Variants in KLHL1 observed in about 807,000 individuals in gnomAD.
KLHL1 encodes kelch like family member 1, also known as kelch-like protein 1.
KLHL1 carries 47 observed loss-of-function variants against 77.7 expected under a neutral mutation model. The ratio of observed to expected loss-of-function variants is 0.60; its 90% CI spans 0.48 to 0.77. The LOEUF is 0.77. Among genes scored for constraint, KLHL1 ranks in the 30% least tolerant of loss-of-function variants. The pLI is 0.00. For missense variants in KLHL1, 925 were observed against 910.8 expected (o/e 1.02, Z -0.20); for synonymous variants, 360 against 325.2 (o/e 1.11, Z -1.15).
At chr13:69,780,268 A>T (rs538960585) in intron 7 of KLHL1, among the ~76,000 whole-genome samples, 1 of 151,996 alleles carries the variant, frequency 6.6e-6, no homozygotes, top group Non-Finnish European at 1.5e-5. Flanking sequence ...TGTTGTTTTC[A>T]CTGTGGCATT....
chr13:69,795,691 G>A (rs1249877205), intron 7 of KLHL1, among the ~76,000 whole-genome samples: 1 of 151,968 alleles, frequency 6.6e-6, no homozygotes, highest in Non-Finnish European at 1.5e-5. Context: ...CAAAACCAAG[G>A]CTCAGTTTAA....
rs893428968 is a variant in KLHL1 at position 69,838,932 on chromosome 13, G to T, written c.1414+44C>A. The T allele has an allele frequency of 5.2e-6, 7 of 1,356,078 alleles. No homozygotes were observed. In the African/African-American group the frequency reaches 7.3e-5, roughly 14 times the overall value. 84.0% of individuals were successfully genotyped at this position (1,356,078 alleles called of 1,614,324 possible). ...ATTACAATATAAAAGCTGCAACACG[G>T]TATAACACAGGATGTATAGTTATAT... is the stretch of plus-strand genomic sequence containing the variant. On this transcript the variant is annotated intron_variant, in intron 6 of 10. Coordinates refer to ENST00000377844, the MANE Select transcript of KLHL1 (RefSeq NM_020866.3).
intron 4 of KLHL1, among the ~76,000 whole-genome samples, chr13:69,905,182 C>T (rs55811703): frequency 0.012 from 1,796 of 152,162 alleles, 13 homozygotes; most frequent in Non-Finnish European, 0.02. Context: ...TTTGCCTAGT[C>T]CAACAGAATG....
chr13:69,902,946 C>T (rs535600068), intron 4 of KLHL1, among the ~76,000 whole-genome samples: 1 of 152,182 alleles, frequency 6.6e-6, no homozygotes, highest in East Asian at 1.9e-4. Flanking sequence ...ATAGCTTTTC[C>T]ATTATATATA....
intron 1 of KLHL1, among the ~76,000 whole-genome samples, chr13:70,015,266 C>T (rs758890298): frequency 1.3e-5 from 2 of 152,096 alleles, no homozygotes; most frequent in African/African-American, 2.4e-5. Flanking sequence ...TAACCTACTC[C>T]TCCTAGGGTA....
intron 5 of KLHL1, among the ~76,000 whole-genome samples, chr13:69,876,826 T>A (rs1447283338): frequency 6.6e-6 from 1 of 152,072 alleles, no homozygotes; most frequent in Non-Finnish European, 1.5e-5. Flanking sequence ...TCACCTGAGA[T>A]CAGGAGTTCA....
At chr13:70,057,662 G>C (rs935186833) in intron 1 of KLHL1, among the ~76,000 whole-genome samples, 5 of 149,568 alleles carry the variant, frequency 3.3e-5, no homozygotes, top group Non-Finnish European at 7.4e-5. Context: ...TGTAGTCCCA[G>C]CTACTCGGGA....
intron 1 of KLHL1, among the ~76,000 whole-genome samples, chr13:70,044,473 TTAAA>T (rs1487390195): frequency 1.3e-5 from 2 of 152,176 alleles, no homozygotes; most frequent in African/African-American, 4.8e-5. Context: ...ATTATTTAAG[TTAAA>T]TAAACAAGTT....
At chr13:69,926,863 C>T (rs981835957) in intron 4 of KLHL1, among the ~76,000 whole-genome samples, 1 of 140,206 alleles carries the variant, frequency 7.1e-6, no homozygotes, top group Admixed American at 7.8e-5. Context: ...AGGAGAATGG[C>T]GTGAACCTGG....
intron 7 of KLHL1, among the ~76,000 whole-genome samples, chr13:69,793,376 T>G (rs1876956261): frequency 1.3e-5 from 2 of 152,076 alleles, no homozygotes; most frequent in African/African-American, 4.8e-5. Flanking sequence ...TTTAAATGAA[T>G]ATAATTTTTA....
rs1394990772 is a variant in KLHL1 at position 69,782,057 on chromosome 13, T to A, written c.1639+14681A>T. Among the ~76,000 whole-genome samples, 17 of 152,230 alleles carry A rather than the reference T, an allele frequency of 1.1e-4. 1 individual carries two copies. Among genetic ancestry groups the A allele is most frequent in the Non-Finnish European group, 1.5e-5 (1 of 68,046 alleles). ...CTCTCTTTTGATAACTTCTTGTTTTTAAGGGTGAATATCTTATGGCATCTA... is the reference window on the plus strand; with the variant it reads ...CTCTCTTTTGATAACTTCTTGTTTTAAAGGGTGAATATCTTATGGCATCTA... On this transcript the variant is annotated intron_variant, in intron 7 of 10. Transcript: ENST00000377844.
At chr13:69,903,563 G>A (rs2138230812) in intron 4 of KLHL1, among the ~76,000 whole-genome samples, 1 of 146,320 alleles carries the variant, frequency 6.8e-6, no homozygotes, top group South Asian at 2.2e-4. Flanking sequence ...TGTCTCATTT[G>A]CAAACTGCTC....
At chr13:70,064,775 A>G (rs1194461843) in intron 1 of KLHL1, among the ~76,000 whole-genome samples, 1 of 152,150 alleles carries the variant, frequency 6.6e-6, no homozygotes, top group African/African-American at 2.4e-5. Flanking sequence ...ATCCACGACT[A>G]AGGACTAAAG....
At chr13:70,022,213 C>A (rs1415181247) in intron 1 of KLHL1, among the ~76,000 whole-genome samples, 2 of 151,748 alleles carry the variant, frequency 1.3e-5, no homozygotes, top group East Asian at 3.9e-4. Context: ...GTTGTTCTAG[C>A]ACTGTTTGTT....
intron 1 of KLHL1, among the ~76,000 whole-genome samples, chr13:70,051,648 A>T (rs1175443709): frequency 6.6e-6 from 1 of 152,084 alleles, no homozygotes; most frequent in Non-Finnish European, 1.5e-5. Context: ...GAAATGTTCA[A>T]ACGTAAGTTT....
intron 3 of KLHL1, among the ~76,000 whole-genome samples, chr13:69,944,025 T>G (rs772702765): frequency 3.9e-5 from 6 of 152,208 alleles, no homozygotes; most frequent in Non-Finnish European, 7.3e-5. Flanking sequence ...ACAGCAGACC[T>G]GAACTACTAC....
chr13:69,782,408 C>T (rs896956041), intron 7 of KLHL1, among the ~76,000 whole-genome samples: 2 of 152,214 alleles, frequency 1.3e-5, no homozygotes, highest in African/African-American at 4.8e-5. Flanking sequence ...GTTCCCTTTC[C>T]TAGTCAAAGA....
intron 7 of KLHL1, among the ~76,000 whole-genome samples, chr13:69,750,454 A>G (rs1298670833): frequency 6.6e-6 from 1 of 151,836 alleles, no homozygotes; most frequent in Non-Finnish European, 1.5e-5. Context: ...AAAATTATAC[A>G]TATTTTATAT....
intron 1 of KLHL1, among the ~76,000 whole-genome samples, chr13:70,104,909 C>T (rs1161038932): frequency 6.6e-6 from 1 of 152,036 alleles, no homozygotes; most frequent in Admixed American, 6.5e-5. Context: ...GTGACTCCTA[C>T]TTTTACTGCA....
Sources: gnomAD v4.1 joint callset for allele counts (sites outside exome capture counted in the v4.1 genomes callset) on GRCh38, gnomAD v4.1.1 for gene constraint, MANE v1.5 for transcripts, NCBI Gene and HGNC (gene_info 2026-07-23, HGNC 2026-07-21) for gene names.